ZNF385D: variants seen among roughly 807,000 people sequenced by gnomAD.
ZNF385D encodes the protein zinc finger protein 659.
ZNF385D carries 15 observed loss-of-function variants against 35.8 expected under a neutral mutation model. The ratio of observed to expected loss-of-function variants is 0.42; its 90% CI spans 0.28 to 0.64. The LOEUF (loss-of-function observed/expected upper bound fraction) is 0.64, where lower values mean the gene tolerates loss of function less well. Ranked by LOEUF, ZNF385D falls within the 30% of genes least tolerant of loss-of-function variation. The pLI is 0.23. For synonymous variants in ZNF385D, 212 were observed against 186.8 expected (o/e 1.13, Z -1.10); for missense variants, 474 against 494.6 (o/e 0.96, Z 0.39).
intron 2 of ZNF385D, among the ~76,000 whole-genome samples, chr3:22,251,512 C>T (rs1700063468): frequency 1.3e-5 from 2 of 152,094 alleles, no homozygotes. Context: ...GGTTTCTCCA[C>T]CTTTACCTTA....
At chr3:22,106,408 A>AT (rs1559373337) in intron 3 of ZNF385D, among the ~76,000 whole-genome samples, 1 of 152,004 alleles carries the variant, frequency 6.6e-6, no homozygotes, top group Non-Finnish European at 1.5e-5. Flanking sequence ...GGACAAAAAA[A>AT]TCTTACATTT....
At chr3:21,932,448 C>T (rs1477036550) in intron 3 of ZNF385D, among the ~76,000 whole-genome samples, 3 of 151,650 alleles carry the variant, frequency 2.0e-5, no homozygotes, top group African/African-American at 7.3e-5. Flanking sequence ...TCAACATTGC[C>T]TTCAGGCTAT....
chr3:22,314,426 T>C lies in ZNF385D; in HGVS notation c.106+58024A>G, dbSNP rs546705070. ...TTTAGAATAATAGTCTCCAATCCCA[T>C]CCAGATTGCAGTGAATGCCATTAAT... On this transcript the variant is annotated intron_variant, in intron 2 of 5. Coordinates refer to the ZNF385D transcript ENST00000494108. Among the ~76,000 whole-genome samples, 7 of 152,282 alleles carry C rather than the reference T, an allele frequency of 4.6e-5. No individual in the cohort carries two copies. In the East Asian group the frequency reaches 1.3e-3, roughly 29 times the overall value.
At chr3:21,492,374 A>G (rs76784932) in intron 4 of ZNF385D, among the ~76,000 whole-genome samples, 1,711 of 151,768 alleles carry the variant, frequency 0.011, 28 homozygotes, top group African/African-American at 0.039. Flanking sequence ...CGGATTCTAA[A>G]TGGTTTTTTA....
chr3:22,040,123 T>C (rs1038644314), intron 3 of ZNF385D, among the ~76,000 whole-genome samples: 2 of 152,162 alleles, frequency 1.3e-5, no homozygotes, highest in South Asian at 4.1e-4. Context: ...TGCTCCCTCC[T>C]CTCATTGTGT....
intron 2 of ZNF385D, among the ~76,000 whole-genome samples, chr3:22,220,223 C>G (rs774738014): frequency 6.6e-6 from 1 of 151,972 alleles, no homozygotes; most frequent in Admixed American, 6.6e-5. Context: ...GCCACCACAC[C>G]AGGCTAATGA....
intron 3 of ZNF385D, among the ~76,000 whole-genome samples, chr3:21,762,706 C>A (rs1410319397): frequency 6.6e-6 from 1 of 152,140 alleles, no homozygotes; most frequent in Non-Finnish European, 1.5e-5. Flanking sequence ...AGACAGACAG[C>A]CTTTCACTGT....
At chr3:21,876,243 G>A (rs1331667725) in intron 3 of ZNF385D, among the ~76,000 whole-genome samples, 3 of 150,856 alleles carry the variant, frequency 2.0e-5, no homozygotes, top group African/African-American at 7.3e-5. Context: ...GTAAGTGGTA[G>A]AACTTTTTAT....
At chr3:22,200,321 A>G (rs1376706005) in intron 2 of ZNF385D, among the ~76,000 whole-genome samples, 1 of 152,082 alleles carries the variant, frequency 6.6e-6, no homozygotes, top group Non-Finnish European at 1.5e-5. Context: ...CAAAAGAGAG[A>G]AATTTTAAAA....
chr3:21,987,576 A>G (rs1437583006), intron 3 of ZNF385D, among the ~76,000 whole-genome samples: 4 of 127,238 alleles, frequency 3.1e-5, no homozygotes, highest in South Asian at 5.6e-4. Flanking sequence ...GGGTAACCCG[A>G]CCTTTCTCTC....
At chr3:21,511,664 C>A (rs771605709) in intron 3 of ZNF385D, 5 of 455,316 alleles carry the variant, frequency 1.1e-5, no homozygotes, top group South Asian at 3.1e-5. Context: ...ATTTTTTCAG[C>A]GCATGGATCT....
At chr3:22,045,903 C>A (rs1428988818) in intron 3 of ZNF385D, among the ~76,000 whole-genome samples, 1 of 151,976 alleles carries the variant, frequency 6.6e-6, no homozygotes, top group South Asian at 2.1e-4. Flanking sequence ...TAATGGAGAT[C>A]TAAACAAATT....
chr3:21,759,103 A>T (rs1254184036), intron 3 of ZNF385D, among the ~76,000 whole-genome samples: 1 of 151,818 alleles, frequency 6.6e-6, no homozygotes, highest in Admixed American at 6.6e-5. Flanking sequence ...TGAGGAAATG[A>T]AGCATATATC....
intron 3 of ZNF385D, among the ~76,000 whole-genome samples, chr3:21,975,640 T>C (rs1291985807): frequency 4.6e-5 from 7 of 150,788 alleles, no homozygotes; most frequent in Non-Finnish European, 4.4e-5. Flanking sequence ...TATACTTTTA[T>C]CAAAATACCT....
At chr3:21,857,628 G>T (rs1696799531) in intron 3 of ZNF385D, among the ~76,000 whole-genome samples, 1 of 151,908 alleles carries the variant, frequency 6.6e-6, no homozygotes, top group Non-Finnish European at 1.5e-5. Context: ...AGGAGTTGCA[G>T]CCTCAGAGGG....
chr3:21,669,811 AT>A (rs1012599264), intron 1 of ZNF385D, among the ~76,000 whole-genome samples: 8 of 152,134 alleles, frequency 5.3e-5, no homozygotes, highest in African/African-American at 1.9e-4. Flanking sequence ...AGCTACCTTC[AT>A]TTTTTTCTCT....
chr3:22,147,855 A>T (rs1467109435), intron 3 of ZNF385D, among the ~76,000 whole-genome samples: 1 of 151,910 alleles, frequency 6.6e-6, no homozygotes, highest in African/African-American at 2.4e-5. Context: ...GGAAAGAAAT[A>T]CTCTCTTTTG....
At chr3:21,954,576 A>T (rs1702204956) in intron 3 of ZNF385D, among the ~76,000 whole-genome samples, 1 of 152,084 alleles carries the variant, frequency 6.6e-6, no homozygotes, top group Non-Finnish European at 1.5e-5. Context: ...TCTGTTTGTT[A>T]ATTAGTTAGG....
intron 3 of ZNF385D, among the ~76,000 whole-genome samples, chr3:21,916,577 T>C (rs1669080775): frequency 6.6e-6 from 1 of 152,240 alleles, no homozygotes; most frequent in Non-Finnish European, 1.5e-5. Flanking sequence ...ACATATGCTT[T>C]GGCATAAATT....
Sources: allele counts gnomAD v4.1 joint callset (sites outside exome capture counted in the v4.1 genomes callset), GRCh38; gene constraint gnomAD v4.1.1; transcripts MANE v1.5; gene names NCBI Gene and HGNC (gene_info 2026-07-23, HGNC 2026-07-21).